Variants in SORCS3 observed in about 807,000 individuals in gnomAD.
SORCS3 encodes the protein sortilin related VPS10 domain containing receptor 3.
In SORCS3, 57 loss-of-function variants were observed where a neutral mutation model predicts 146.3. That is an observed-to-expected ratio of 0.39 (90% CI 0.31 to 0.49). The LOEUF (loss-of-function observed/expected upper bound fraction) is 0.49, where lower values mean the gene tolerates loss of function less well. SORCS3 is among the 20% of genes least tolerant of loss of function. The pLI, the probability that SORCS3 is intolerant of heterozygous loss-of-function variation, is 0.92. For missense variants in SORCS3, 1,341 were observed against 1,575.5 expected (o/e 0.85, Z 2.52); for synonymous variants, 653 against 618.5 (o/e 1.06, Z -0.83).
intron 3 of SORCS3, among the ~76,000 whole-genome samples, chr10:104,933,383 A>C (rs1282070664): frequency 2.0e-5 from 3 of 151,752 alleles, no homozygotes; most frequent in Non-Finnish European, 4.4e-5. Flanking sequence ...AGTAAAATGT[A>C]CAGAAGACCA....
chr10:105,222,289 C>T (rs1302043549), intron 19 of SORCS3, among the ~76,000 whole-genome samples: 1 of 151,990 alleles, frequency 6.6e-6, no homozygotes, highest in Non-Finnish European at 1.5e-5. Context: ...GAACTCCTAC[C>T]TCAGGTGATC....
chr10:104,675,255 T>C (rs1442137625), intron 1 of SORCS3, among the ~76,000 whole-genome samples: 1 of 152,260 alleles, frequency 6.6e-6, no homozygotes, highest in Non-Finnish European at 1.5e-5. Flanking sequence ...ATATATTCTT[T>C]AGTAAAATGC....
At chr10:104,711,994 T>G (rs1192675970) in intron 1 of SORCS3, among the ~76,000 whole-genome samples, 1 of 152,220 alleles carries the variant, frequency 6.6e-6, no homozygotes, top group Non-Finnish European at 1.5e-5. Flanking sequence ...AATAACCAAG[T>G]TACCATTAGT....
chr10:104,852,094 C>T (rs2018279601), intron 2 of SORCS3, among the ~76,000 whole-genome samples: 1 of 152,150 alleles, frequency 6.6e-6, no homozygotes, highest in Non-Finnish European at 1.5e-5. Context: ...TAAAAGATTC[C>T]CCCCTTCACT....
chr10:104,858,667 G>A (rs1390582972), intron 2 of SORCS3, among the ~76,000 whole-genome samples: 1 of 151,296 alleles, frequency 6.6e-6, no homozygotes, highest in East Asian at 1.9e-4. Flanking sequence ...TGTCGCCCAG[G>A]CTGGAGTGCA....
At chr10:104,660,730 T>G (rs2015690391) in intron 1 of SORCS3, among the ~76,000 whole-genome samples, 1 of 152,224 alleles carries the variant, frequency 6.6e-6, no homozygotes, top group Middle Eastern at 3.2e-3. Context: ...TCAGAGCCTG[T>G]GCTATTTGCC....
chr10:104,821,920 T>C (rs2017877124), intron 1 of SORCS3, among the ~76,000 whole-genome samples: 1 of 152,194 alleles, frequency 6.6e-6, no homozygotes, highest in Admixed American at 6.5e-5. Flanking sequence ...AGGTACATAG[T>C]AGGTGCTGTG....
intron 1 of SORCS3, among the ~76,000 whole-genome samples, chr10:104,746,560 A>G (rs1327836709): frequency 6.6e-6 from 1 of 152,238 alleles, no homozygotes; most frequent in Non-Finnish European, 1.5e-5. Context: ...TATACAATGC[A>G]TTATTATTTA....
At chr10:104,698,245 T>C (rs1353132943) in intron 1 of SORCS3, among the ~76,000 whole-genome samples, 1 of 152,176 alleles carries the variant, frequency 6.6e-6, no homozygotes, top group Non-Finnish European at 1.5e-5. Flanking sequence ...AGTCTGAGTT[T>C]AGTGGCTTGT....
At chr10:104,936,886 G>A (rs1449422431) in intron 3 of SORCS3, among the ~76,000 whole-genome samples, 1 of 152,196 alleles carries the variant, frequency 6.6e-6, no homozygotes, top group African/African-American at 2.4e-5. Flanking sequence ...AAGTGCTTTG[G>A]TAACACAAAG....
rs762857852 is a variant in SORCS3 at position 105,217,014 on chromosome 10, G to A, written c.2626G>A (p.Glu876Lys). 42 of 1,614,030 alleles carry A rather than the reference G, an allele frequency of 2.6e-5. No individual in the cohort carries two copies. The Admixed American group carries it at 4.5e-4, about 17-fold the overall frequency. ...AVSYANFSPI[E>K]DGIKHVYKSA... ...GTCCTACGCAAACTTCAGCCCCATC[G>A]AGGACGGCATCAAGCACGTGTATAA... The change falls in exon 19 of 27, where the codon GAG becomes AAG. Residue 876 changes from glutamate (E) to lysine (K), a missense_variant. By Grantham distance (56) the Glu-to-Lys change is moderately conservative. Transcript: ENST00000369701.
At chr10:105,069,801 A>G (rs1306552339) in intron 5 of SORCS3, among the ~76,000 whole-genome samples, 1 of 152,182 alleles carries the variant, frequency 6.6e-6, no homozygotes, top group Non-Finnish European at 1.5e-5. Context: ...TGGATTTATC[A>G]TTACACATTC....
At chr10:105,094,525 A>T (rs1282654310) in intron 6 of SORCS3, among the ~76,000 whole-genome samples, 3 of 152,162 alleles carry the variant, frequency 2.0e-5, no homozygotes, top group Non-Finnish European at 4.4e-5. Flanking sequence ...ATCTATATAT[A>T]CTGTGCACTG....
intron 5 of SORCS3, among the ~76,000 whole-genome samples, chr10:105,084,675 G>A (rs570040122): frequency 6.6e-6 from 1 of 152,126 alleles, no homozygotes; most frequent in South Asian, 2.1e-4. Context: ...TGTTACTAGG[G>A]GAGGCGCAGA....
intron 3 of SORCS3, among the ~76,000 whole-genome samples, chr10:104,922,269 A>G (rs755199830): frequency 1.4e-4 from 21 of 152,244 alleles, no homozygotes; most frequent in Non-Finnish European, 2.5e-4. Context: ...AGTCTCTTAC[A>G]CTAAAGTAAG....
At chr10:104,745,096 C>T (rs1479050664) in intron 1 of SORCS3, among the ~76,000 whole-genome samples, 3 of 152,106 alleles carry the variant, frequency 2.0e-5, no homozygotes, top group Non-Finnish European at 4.4e-5. Context: ...GTTTGAGGAG[C>T]GATGTTCCAT....
chr10:104,728,362 C>A (rs2016666575), intron 1 of SORCS3, among the ~76,000 whole-genome samples: 1 of 152,098 alleles, frequency 6.6e-6, no homozygotes, highest in African/African-American at 2.4e-5. Flanking sequence ...AAGATTTGGG[C>A]AGTGGAGGTT....
At chr10:105,169,702 A>G (rs2056344276) in intron 13 of SORCS3, among the ~76,000 whole-genome samples, 1 of 152,164 alleles carries the variant, frequency 6.6e-6, no homozygotes, top group African/African-American at 2.4e-5. Context: ...TTTTCTGCTA[A>G]CAAAACCCAT....
At chr10:104,842,215 G>A (rs1443366146) in intron 1 of SORCS3, among the ~76,000 whole-genome samples, 2 of 152,334 alleles carry the variant, frequency 1.3e-5, no homozygotes, top group South Asian at 2.1e-4. Context: ...ATAGTAGTGG[G>A]GGCAGGTGAT....
Sources: allele counts gnomAD v4.1 joint callset (sites outside exome capture counted in the v4.1 genomes callset), GRCh38; gene constraint gnomAD v4.1.1; transcripts MANE v1.5; gene names NCBI Gene and HGNC (gene_info 2026-07-23, HGNC 2026-07-21).